Variants in MYRIP observed in about 807,000 individuals in gnomAD.
MYRIP encodes myosin VIIA and Rab interacting protein.
A neutral mutation model predicts 98.0 loss-of-function variants in MYRIP; 49 were observed. That is an observed-to-expected ratio of 0.50 (90% CI 0.40 to 0.63). The LOEUF (loss-of-function observed/expected upper bound fraction) is 0.63. Among genes scored for constraint, MYRIP ranks in the 30% least tolerant of loss-of-function variants. The pLI, the probability that MYRIP is intolerant of heterozygous loss-of-function variation, is 0.00. For synonymous variants in MYRIP, 404 were observed against 409.5 expected (o/e 0.99, Z 0.16); for missense variants, 1,004 against 1,058.2 (o/e 0.95, Z 0.71).
chr3:40,091,182 C>T (rs181981661), intron 3 of MYRIP, among the ~76,000 whole-genome samples: 1 of 152,244 alleles, frequency 6.6e-6, no homozygotes, highest in Admixed American at 6.5e-5. Flanking sequence ...GGGATTATCC[C>T]CAGCTGAGCC....
chr3:40,195,571 C>T (rs767890557), intron 10 of MYRIP, among the ~76,000 whole-genome samples: 5 of 152,222 alleles, frequency 3.3e-5, no homozygotes, highest in Non-Finnish European at 5.9e-5. Flanking sequence ...GCTGGGATTA[C>T]AGGCATGAGC....
At chr3:40,111,323 T>C (rs577445941) in intron 3 of MYRIP, among the ~76,000 whole-genome samples, 64 of 152,318 alleles carry the variant, frequency 4.2e-4, no homozygotes, top group Middle Eastern at 3.4e-3. Flanking sequence ...TCCCATCTCT[T>C]GATCAGCTTC....
At chr3:39,827,155 C>T (rs1296883606) in intron 1 of MYRIP, among the ~76,000 whole-genome samples, 1 of 152,040 alleles carries the variant, frequency 6.6e-6, no homozygotes, top group African/African-American at 2.4e-5. Context: ...CTTTGCTGCC[C>T]AGGCTGGAGT....
chr3:39,883,982 T>G (rs1943223220), intron 1 of MYRIP, among the ~76,000 whole-genome samples: 1 of 152,132 alleles, frequency 6.6e-6, no homozygotes, highest in Non-Finnish European at 1.5e-5. Context: ...TTGAAGATGC[T>G]GTCTCTATAA....
chr3:40,110,254 T>G (rs920286235), intron 3 of MYRIP, among the ~76,000 whole-genome samples: 2 of 152,214 alleles, frequency 1.3e-5, no homozygotes, highest in Non-Finnish European at 2.9e-5. Flanking sequence ...AAAGGGCATA[T>G]TTGCATTTAT....
At chr3:39,852,677 C>T (rs75306519) in intron 1 of MYRIP, among the ~76,000 whole-genome samples, 1 of 152,034 alleles carries the variant, frequency 6.6e-6, no homozygotes, top group African/African-American at 2.4e-5. Context: ...AATAATGGTC[C>T]CCAACTCCAT....
At chr3:39,824,530 A>G (rs1460106931) in intron 1 of MYRIP, among the ~76,000 whole-genome samples, 1 of 151,910 alleles carries the variant, frequency 6.6e-6, no homozygotes, top group East Asian at 1.9e-4. Flanking sequence ...ATTTCTTTTT[A>G]TCAGTGTTTT....
At chr3:39,939,906 G>A (rs1944743705) in intron 2 of MYRIP, among the ~76,000 whole-genome samples, 1 of 152,048 alleles carries the variant, frequency 6.6e-6, no homozygotes, top group African/African-American at 2.4e-5. Context: ...CTGGGTGTGT[G>A]TAATATGTAT....
At chr3:40,106,268 AT>A (rs1434451939) in intron 3 of MYRIP, among the ~76,000 whole-genome samples, 4 of 152,024 alleles carry the variant, frequency 2.6e-5, no homozygotes, top group African/African-American at 9.7e-5. Flanking sequence ...AGAACACAAA[AT>A]TGCAGGAAAC....
chr3:39,828,411 C>T, intron 1 of MYRIP, among the ~76,000 whole-genome samples: 1 of 151,646 alleles, frequency 6.6e-6, no homozygotes, highest in East Asian at 1.9e-4. Flanking sequence ...GTTGTATTGT[C>T]TTGTATATTA....
chr3:40,193,945 G>C (rs1951315102), intron 10 of MYRIP, among the ~76,000 whole-genome samples: 2 of 151,832 alleles, frequency 1.3e-5, no homozygotes, highest in Non-Finnish European at 2.9e-5. Flanking sequence ...TGATTTTTAG[G>C]AATTAGTTTT....
chr3:40,070,830 C>T (rs149209984), intron 3 of MYRIP, among the ~76,000 whole-genome samples: 2 of 152,290 alleles, frequency 1.3e-5, no homozygotes, highest in East Asian at 3.9e-4. Context: ...ATCTAGGCTC[C>T]ATGTCCTTTA....
At chr3:39,984,054 T>C (rs1945962986) in intron 2 of MYRIP, among the ~76,000 whole-genome samples, 1 of 152,168 alleles carries the variant, frequency 6.6e-6, no homozygotes, top group Non-Finnish European at 1.5e-5. Flanking sequence ...AGCAGATGAC[T>C]GAAACATCAG....
In MYRIP at chr3:40,209,848, A is replaced by T; in HGVS notation, c.1666-6A>T. The T allele has an allele frequency of 6.2e-7, 1 of 1,613,846 alleles. No individual in the cohort carries two copies. The highest frequency in any genetic ancestry group is 1.1e-5 in the South Asian group (1 of 91,050). ...TCCTCATCTCATGATTCTGGCTTTC[A>T]TTTAGGTGTCGGATGATTTATCAGA... is the stretch of plus-strand genomic sequence containing the variant. On this transcript the variant is annotated splice_polypyrimidine_tract_variant and splice_region_variant and intron_variant, in intron 10 of 16. Coordinates refer to ENST00000302541, the MANE Select transcript of MYRIP (RefSeq NM_015460.4).
intron 1 of MYRIP, among the ~76,000 whole-genome samples, chr3:39,849,693 T>A (rs925664810): frequency 6.6e-6 from 1 of 152,210 alleles, no homozygotes; most frequent in Non-Finnish European, 1.5e-5. Flanking sequence ...TTGCTAGTCC[T>A]CGGGTTTTCT....
intron 10 of MYRIP, among the ~76,000 whole-genome samples, chr3:40,205,801 G>A (rs1951777559): frequency 6.7e-6 from 1 of 149,704 alleles, no homozygotes; most frequent in East Asian, 1.9e-4. Context: ...AAGTAGAAGA[G>A]CATTTTTTTT....
At chr3:40,089,368 G>A (rs958388433) in intron 3 of MYRIP, among the ~76,000 whole-genome samples, 2 of 152,178 alleles carry the variant, frequency 1.3e-5, no homozygotes, top group Non-Finnish European at 2.9e-5. Context: ...GGTGTGTGGA[G>A]CCATTATTTC....
intron 1 of MYRIP, among the ~76,000 whole-genome samples, chr3:39,830,275 T>C (rs1214712830): frequency 1.3e-5 from 2 of 152,220 alleles, no homozygotes; most frequent in Non-Finnish European, 2.9e-5. Flanking sequence ...ATCCTGATCT[T>C]TACCTACTCC....
intron 1 of MYRIP, among the ~76,000 whole-genome samples, chr3:39,884,793 C>G (rs1306881246): frequency 1.4e-5 from 2 of 144,448 alleles, no homozygotes; most frequent in African/African-American, 5.2e-5. Flanking sequence ...CATTGTATGG[C>G]TATACAGTCA....
Sources: gnomAD v4.1 joint callset for allele counts (sites outside exome capture counted in the v4.1 genomes callset) on GRCh38, gnomAD v4.1.1 for gene constraint, MANE v1.5 for transcripts, NCBI Gene and HGNC (gene_info 2026-07-23, HGNC 2026-07-21) for gene names.